DAB1: variants seen among roughly 807,000 people sequenced by gnomAD.
DAB1 encodes the protein disabled homolog 1.
Under a neutral mutation model 64.6 loss-of-function variants are expected in DAB1, and 15 were observed. That is an observed-to-expected ratio of 0.23 (90% CI 0.16 to 0.36). The LOEUF (loss-of-function observed/expected upper bound fraction) is 0.36, where lower values mean the gene tolerates loss of function less well. Ranked by LOEUF, DAB1 falls within the 10% of genes least tolerant of loss-of-function variation. The pLI is 1.00. For missense variants in DAB1, 596 were observed against 706.7 expected (o/e 0.84, Z 1.78); for synonymous variants, 235 against 251.9 (o/e 0.93, Z 0.64).
chr1:58,181,852 A>G (rs1297174397), intron 4 of DAB1, among the ~76,000 whole-genome samples: 2 of 151,946 alleles, frequency 1.3e-5, no homozygotes, highest in African/African-American at 2.4e-5. Context: ...ACATATATTT[A>G]TTGTCTTTTA....
intron 2 of DAB1, among the ~76,000 whole-genome samples, chr1:57,237,906 G>A (rs776439648): frequency 2.0e-5 from 3 of 152,126 alleles, no homozygotes; most frequent in Non-Finnish European, 4.4e-5. Flanking sequence ...AAAATTAATG[G>A]AGAGGAAGGT....
intron 7 of DAB1, among the ~76,000 whole-genome samples, chr1:57,592,857 T>C (rs56771558): frequency 0.021 from 3,272 of 152,232 alleles, 132 homozygotes; most frequent in African/African-American, 0.072. Context: ...CCTCACTCTG[T>C]CTTTCCTCTC....
chr1:57,113,307 C>T (rs1189661873), intron 4 of DAB1, among the ~76,000 whole-genome samples: 1 of 152,146 alleles, frequency 6.6e-6, no homozygotes, highest in African/African-American at 2.4e-5. Flanking sequence ...ATTATTATCT[C>T]CATTTTATAG....
intron 1 of DAB1, among the ~76,000 whole-genome samples, chr1:57,318,786 G>T (rs1001690909): frequency 4.7e-5 from 7 of 150,488 alleles, no homozygotes; most frequent in African/African-American, 1.7e-4. Flanking sequence ...CTGGATTGAG[G>T]ATAAAAGAGA....
chr1:57,121,460 A>T (rs1656655533), intron 4 of DAB1, among the ~76,000 whole-genome samples: 1 of 152,020 alleles, frequency 6.6e-6, no homozygotes, highest in Non-Finnish European at 1.5e-5. Flanking sequence ...CTTGCAGTGC[A>T]TGGGGCAGCC....
chr1:57,779,166 C>T (rs1329470923), intron 6 of DAB1, among the ~76,000 whole-genome samples: 1 of 152,010 alleles, frequency 6.6e-6, no homozygotes, highest in Admixed American at 6.6e-5. Context: ...TTGAATGTGG[C>T]CATTAGGATA....
chr1:57,057,959 G>T (rs1209705110), intron 9 of DAB1, among the ~76,000 whole-genome samples: 1 of 152,108 alleles, frequency 6.6e-6, no homozygotes, highest in Non-Finnish European at 1.5e-5. Flanking sequence ...GTAAGTTACA[G>T]GCCCCTCTTC....
chr1:57,367,689 C>A (rs1404196567), intron 1 of DAB1, among the ~76,000 whole-genome samples: 1 of 152,192 alleles, frequency 6.6e-6, no homozygotes, highest in Non-Finnish European at 1.5e-5. Context: ...GGGTTCCACA[C>A]TCCGTGGAGC....
At chr1:57,172,588 A>G (rs564901246) in intron 2 of DAB1, among the ~76,000 whole-genome samples, 1 of 152,060 alleles carries the variant, frequency 6.6e-6, no homozygotes. Flanking sequence ...TTCTGGTGAG[A>G]GCCTTGAGCT....
chr1:57,323,712 A>G (rs2100772929), intron 1 of DAB1, among the ~76,000 whole-genome samples: 1 of 152,282 alleles, frequency 6.6e-6, no homozygotes, highest in African/African-American at 2.4e-5. Flanking sequence ...TAAAAATTAC[A>G]TCTTTTTAAA....
At chr1:57,223,986 A>G (rs538716900) in intron 2 of DAB1, among the ~76,000 whole-genome samples, 1 of 152,186 alleles carries the variant, frequency 6.6e-6, no homozygotes, top group South Asian at 2.1e-4. Flanking sequence ...AAATGATTTT[A>G]TGTGAGGTAC....
intron 1 of DAB1, among the ~76,000 whole-genome samples, chr1:57,839,727 T>A (rs961173357): frequency 6.6e-6 from 1 of 152,204 alleles, no homozygotes; most frequent in Non-Finnish European, 1.5e-5. Context: ...AAATGCATTA[T>A]CATTCTGTTT....
intron 2 of DAB1, among the ~76,000 whole-genome samples, chr1:57,207,417 AT>A (rs1438033396): frequency 1.4e-5 from 2 of 146,676 alleles, no homozygotes; most frequent in Non-Finnish European, 3.0e-5. Flanking sequence ...GATAGAATAG[AT>A]TACTGTAATT....
intron 9 of DAB1, among the ~76,000 whole-genome samples, chr1:57,030,605 AC>A (rs1646936544): frequency 6.6e-6 from 1 of 152,152 alleles, no homozygotes; most frequent in Admixed American, 6.5e-5. Context: ...GGAATTTCAT[AC>A]CTTTCCCAGC....
chr1:57,824,943 G>C (rs1016072444), downstream of DAB1, among the ~76,000 whole-genome samples: 1 of 152,164 alleles, frequency 6.6e-6, no homozygotes, highest in Non-Finnish European at 1.5e-5. Flanking sequence ...AGTGGCCTTG[G>C]GGGAGTGCTT....
At chr1:57,276,887 T>A (rs1671511961) in intron 2 of DAB1, among the ~76,000 whole-genome samples, 1 of 152,164 alleles carries the variant, frequency 6.6e-6, no homozygotes, top group African/African-American at 2.4e-5. Context: ...TCAGGACTTC[T>A]CCATAATCTT....
chr1:57,161,193 A>G (rs1660709956), intron 2 of DAB1, among the ~76,000 whole-genome samples: 1 of 152,280 alleles, frequency 6.6e-6, no homozygotes, highest in Admixed American at 6.5e-5. Flanking sequence ...TGGAGAGACA[A>G]GCCAGAAAGT....
chr1:58,518,893 C>T (rs1646215619), intron 2 of DAB1, among the ~76,000 whole-genome samples: 1 of 152,116 alleles, frequency 6.6e-6, no homozygotes, highest in African/African-American at 2.4e-5. Context: ...AGGTCCAATA[C>T]TGTTCCTATC....
At chr1:57,155,911 T>A (rs1481987295) in intron 2 of DAB1, among the ~76,000 whole-genome samples, 1 of 152,148 alleles carries the variant, frequency 6.6e-6, no homozygotes, top group African/African-American at 2.4e-5. Flanking sequence ...TTCTAACAGT[T>A]TTTTTGTGGA....
Sources: gnomAD v4.1 joint callset for allele counts (sites outside exome capture counted in the v4.1 genomes callset) on GRCh38, gnomAD v4.1.1 for gene constraint, MANE v1.5 for transcripts, NCBI Gene and HGNC (gene_info 2026-07-23, HGNC 2026-07-21) for gene names.